Variants in ST8SIA2 observed in about 807,000 individuals in gnomAD.
ST8SIA2 encodes the protein ST8 alpha-N-acetyl-neuraminide alpha-2,8-sialyltransferase 2, also known as alpha-2,8-sialyltransferase 8B.
In ST8SIA2, 22 loss-of-function variants were observed where a neutral mutation model predicts 37.6. The observed-to-expected ratio is 0.58, with a 90% CI of 0.42 to 0.83. The LOEUF (loss-of-function observed/expected upper bound fraction) is 0.83, where lower values mean the gene tolerates loss of function less well. Ranked by LOEUF, ST8SIA2 falls within the 40% of genes least tolerant of loss-of-function variation. The pLI, the probability that ST8SIA2 is intolerant of heterozygous loss-of-function variation, is 0.00. For synonymous variants in ST8SIA2, 205 were observed against 201.2 expected (o/e 1.02, Z -0.16); for missense variants, 382 against 484.7 (o/e 0.79, Z 1.99).
At position 92,466,782 on chromosome 15, in the gene ST8SIA2, G is replaced by A. The variant is rs1201901497; in HGVS notation, c.*2397G>A. 1 of 152,330 alleles carries A rather than the reference G, an allele frequency of 6.6e-6. No homozygotes were observed. Among genetic ancestry groups the A allele is most frequent in the Non-Finnish European group, 1.5e-5 (1 of 68,202 alleles). 9.4% of individuals were successfully genotyped at this position (152,330 alleles called of 1,614,324 possible). On this transcript the variant is annotated 3_prime_UTR_variant, in exon 6 of 6. Coordinates refer to ENST00000268164, the MANE Select transcript of ST8SIA2 (RefSeq NM_006011.4). ...AGTCCTGCACTACCAAAATGGCCTG[G>A]CCATTTGATGGCGGAGCTCCAGGGG... is the stretch of plus-strand genomic sequence containing the variant.
intron 5 of ST8SIA2, among the ~76,000 whole-genome samples, chr15:92,446,258 A>G (rs916489562): frequency 6.6e-6 from 1 of 152,150 alleles, no homozygotes; most frequent in African/African-American, 2.4e-5. Context: ...ATCTCTCCGC[A>G]TGGGCTAGAT....
At chr15:92,419,013 C>A (rs1049590732) in intron 1 of ST8SIA2, among the ~76,000 whole-genome samples, 4 of 151,946 alleles carry the variant, frequency 2.6e-5, no homozygotes, top group Non-Finnish European at 4.4e-5. Flanking sequence ...CAGGGGGTGC[C>A]CAAGGGGACA....
chr15:92,460,653 G>A (rs551178450), intron 5 of ST8SIA2, among the ~76,000 whole-genome samples: 6 of 152,272 alleles, frequency 3.9e-5, no homozygotes, highest in Admixed American at 6.5e-5. Context: ...AAACATCCCC[G>A]AGCCAGCACC....
At chr15:92,426,252 T>C (rs950134784) in intron 1 of ST8SIA2, among the ~76,000 whole-genome samples, 1 of 151,882 alleles carries the variant, frequency 6.6e-6, no homozygotes, top group Non-Finnish European at 1.5e-5. Flanking sequence ...AAAAAGGAAA[T>C]GGCAGCTGAG....
chr15:92,438,494 C>G lies in ST8SIA2; in HGVS notation c.432C>G (p.Pro144=). The change falls in exon 4 of 6, where the codon CCC becomes CCG. Residue 144 remains proline, a synonymous_variant. Coordinates refer to ENST00000268164, the MANE Select transcript of ST8SIA2 (RefSeq NM_006011.4). ...NVSQNLYELL[P]RTSPLKNKHF... is the part of the protein sequence containing the mutation. ...CCCAGAACCTCTACGAGCTCCTCCC[C>G]AGGACTTCGCCACTGAAGAATAAGC... 6.2e-7 allele frequency: 1 copy of G among 1,614,222 alleles called. No individual in the cohort carries two copies. Among genetic ancestry groups the G allele is most frequent in the Non-Finnish European group, 8.5e-7 (1 of 1,180,042 alleles).
chr15:92,407,121 T>G lies in ST8SIA2; in HGVS notation c.98+12959T>G, dbSNP rs139073987. On this transcript the variant is annotated intron_variant, in intron 1 of 5. Coordinates refer to ENST00000268164, the MANE Select transcript of ST8SIA2 (RefSeq NM_006011.4). ...CTTTTTATACATTGTTTCACACATTTATTATAAAACCCCTGCAACACCCAT... is the reference window on the plus strand; with the variant it reads ...CTTTTTATACATTGTTTCACACATTGATTATAAAACCCCTGCAACACCCAT... Among the ~76,000 whole-genome samples, 11 of 152,146 alleles carry G rather than the reference T, an allele frequency of 7.2e-5. 1 individual carries two copies. Among genetic ancestry groups the G allele is most frequent in the African/African-American group, 2.7e-4 (11 of 41,420 alleles).
Position 92,464,421 on chromosome 15 carries a change from C to T in ST8SIA2, c.*36C>T. 2 of 1,611,740 alleles carry T rather than the reference C, an allele frequency of 1.2e-6. No individual in the cohort carries two copies. Among genetic ancestry groups the T allele is most frequent in the Non-Finnish European group, 1.7e-6 (2 of 1,179,328 alleles). ...CCATGGGACTCAGTGGCTCACATTT[C>T]CTGCCAGCTACACCACAGGCAGATG... On this transcript the variant is annotated 3_prime_UTR_variant, in exon 6 of 6. Transcript: ENST00000268164.
At chr15:92,409,540 G>A (rs1003504280) in intron 1 of ST8SIA2, among the ~76,000 whole-genome samples, 26 of 151,776 alleles carry the variant, frequency 1.7e-4, no homozygotes, top group African/African-American at 4.6e-4. Context: ...TTCATTTTCC[G>A]CTCGATGATT....
At chr15:92,451,001 C>T (rs1335612833) in intron 5 of ST8SIA2, among the ~76,000 whole-genome samples, 1 of 152,158 alleles carries the variant, frequency 6.6e-6, no homozygotes, top group African/African-American at 2.4e-5. Flanking sequence ...AGTCAGCTAC[C>T]TTGACAAAGC....
chr15:92,435,193 G>A (rs988185108), intron 3 of ST8SIA2, among the ~76,000 whole-genome samples: 10 of 152,166 alleles, frequency 6.6e-5, no homozygotes, highest in East Asian at 1.9e-4. Flanking sequence ...ACAAGACAGC[G>A]TGGTATGACA....
chr15:92,424,337 C>T (rs1417723178), intron 1 of ST8SIA2, among the ~76,000 whole-genome samples: 2 of 152,104 alleles, frequency 1.3e-5, no homozygotes, highest in African/African-American at 4.8e-5. Flanking sequence ...ATCAAAATAT[C>T]ATGATGTACC....
chr15:92,411,330 G>A (rs557907331), intron 1 of ST8SIA2, among the ~76,000 whole-genome samples: 1 of 152,230 alleles, frequency 6.6e-6, no homozygotes, highest in Admixed American at 6.5e-5. Context: ...GGCAGGTGCC[G>A]GGAAGACCAC....
chr15:92,424,501 G>A (rs1446773373), intron 1 of ST8SIA2, among the ~76,000 whole-genome samples: 1 of 151,996 alleles, frequency 6.6e-6, no homozygotes, highest in East Asian at 1.9e-4. Flanking sequence ...TGTGTGTGGT[G>A]TGATTTTGTT....
chr15:92,427,260 C>CAAAAAAAAAAAAA (rs55783719), intron 1 of ST8SIA2, among the ~76,000 whole-genome samples: 1 of 102,644 alleles, frequency 9.7e-6, no homozygotes, highest in Non-Finnish European at 2.1e-5. Flanking sequence ...GGGCACTTGG[C>CAAAAAAAAAAAAA]AAAAAAAAAA....
Position 92,412,594 on chromosome 15 carries a change from AC to A in ST8SIA2, c.99-17454del, listed in dbSNP as rs556145111. Among the ~76,000 whole-genome samples the A allele has an allele frequency of 2.0e-4, 30 of 151,598 alleles. No homozygotes were observed. In the South Asian group the frequency reaches 6.3e-3, roughly 32 times the overall value. ...TCTCTTGAAACAGCCCTTCCTGTCC[AC>A]TCCCCAGTATCCATGCAGTCTGGTA... On this transcript the variant is annotated intron_variant, in intron 1 of 5. Transcript: ENST00000268164.
intron 1 of ST8SIA2, among the ~76,000 whole-genome samples, chr15:92,405,499 C>T (rs1335130776): frequency 6.6e-6 from 1 of 152,254 alleles, no homozygotes; most frequent in East Asian, 1.9e-4. Flanking sequence ...TATTTTCCCA[C>T]AATTGAAACA....
chr15:92,451,792 G>A (rs966609034), intron 5 of ST8SIA2, among the ~76,000 whole-genome samples: 4 of 152,114 alleles, frequency 2.6e-5, no homozygotes, highest in Non-Finnish European at 5.9e-5. Flanking sequence ...GGAAAACTGA[G>A]CCTCAAGGAG....
chr15:92,414,765 C>T (rs1474690502), intron 1 of ST8SIA2, among the ~76,000 whole-genome samples: 1 of 152,172 alleles, frequency 6.6e-6, no homozygotes, highest in Non-Finnish European at 1.5e-5. Context: ...TGGTCACATC[C>T]CTGGGGCCAC....
chr15:92,455,072 G>A (rs1405761837), intron 5 of ST8SIA2, among the ~76,000 whole-genome samples: 1 of 152,158 alleles, frequency 6.6e-6, no homozygotes, highest in Non-Finnish European at 1.5e-5. Context: ...CCCTGCTGCA[G>A]AGACTTGAGG....
Sources: allele counts gnomAD v4.1 joint callset (sites outside exome capture counted in the v4.1 genomes callset), GRCh38; gene constraint gnomAD v4.1.1; transcripts MANE v1.5; gene names NCBI Gene and HGNC (gene_info 2026-07-23, HGNC 2026-07-21).